PRDM16: variants seen among roughly 807,000 people sequenced by gnomAD.
The protein encoded by PRDM16 is histone-lysine N-methyltransferase PRDM16.
PRDM16 carries 23 observed loss-of-function variants against 110.6 expected under a neutral mutation model. The observed-to-expected ratio is 0.21, with a 90% CI of 0.15 to 0.29. The LOEUF (loss-of-function observed/expected upper bound fraction) is 0.29, where lower values mean the gene tolerates loss of function less well. PRDM16 is among the 10% of genes least tolerant of loss of function. The pLI is 1.00. For missense variants in PRDM16, 1,615 were observed against 1,794.3 expected, an observed-to-expected ratio of 0.90 and a Z score of 1.81; for synonymous variants, 799 against 781.8, an observed-to-expected ratio of 1.02 and a Z score of -0.37.
intron 3 of PRDM16, among the ~76,000 whole-genome samples, chr1:3,296,284 G>A (rs1042586538): frequency 6.6e-6 from 1 of 152,238 alleles, no homozygotes; most frequent in Non-Finnish European, 1.5e-5. Flanking sequence ...GGGACCCAGA[G>A]TCACATTCGC....
rs532444390 is a variant in PRDM16, at chr1:3,350,304, C to T, written c.439-34848C>T. On this transcript the variant is annotated intron_variant, in intron 3 of 16. Coordinates refer to ENST00000270722, the MANE Select transcript of PRDM16 (RefSeq NM_022114.4). The surrounding 1 kb of genome is among the most constrained non-coding windows in gnomAD (Gnocchi z 7.1). ...TCACACCACTATACTCCAGCCTGGG[C>T]GAGAGAGTGAGACCCTGTCTCAAAA... Among the ~76,000 whole-genome samples, 145 of 152,098 alleles carry T rather than the reference C, an allele frequency of 9.5e-4. No individual in the cohort carries two copies. Among genetic ancestry groups the T allele is most frequent in the Non-Finnish European group, 1.5e-3 (101 of 68,004 alleles).
intron 3 of PRDM16, among the ~76,000 whole-genome samples, chr1:3,325,897 G>A (rs1641879530): frequency 6.8e-6 from 1 of 146,418 alleles, no homozygotes; most frequent in Non-Finnish European, 1.5e-5. Context: ...GGCCATCCTT[G>A]GCCCTCTTGG....
At position 3,310,990 on chromosome 1, in the gene PRDM16, C is replaced by T. The variant is rs578151414; in HGVS notation, c.438+66853C>T. On this transcript the variant is annotated intron_variant, in intron 3 of 16. Coordinates refer to ENST00000270722, the MANE Select transcript of PRDM16 (RefSeq NM_022114.4). ...GTGTAGGCATGTGTGTGCGTGTGTG[C>T]GTGCGTATGTGTGTGTGTGTGTGAG... Among the ~76,000 whole-genome samples the T allele has an allele frequency of 4.6e-5, 7 of 151,732 alleles. No homozygotes were observed. In the South Asian group the frequency reaches 1.5e-3, roughly 32 times the overall value.
chr1:3,195,454 G>T, intron 2 of PRDM16, among the ~76,000 whole-genome samples: 1 of 152,224 alleles, frequency 6.6e-6, no homozygotes, highest in East Asian at 1.9e-4. Context: ...GCCCAGCAGA[G>T]GGGACTTTCT....
chr1:3,146,837 A>ACG (rs1643672399), intron 1 of PRDM16, among the ~76,000 whole-genome samples: 1 of 76,112 alleles, frequency 1.3e-5, no homozygotes, highest in Admixed American at 1.8e-4. Flanking sequence ...GTGTGTGTGC[A>ACG]CACGTGTGTG....
At chr1:3,216,710 C>T (rs947036737) in intron 2 of PRDM16, among the ~76,000 whole-genome samples, 16 of 152,358 alleles carry the variant, frequency 1.1e-4, no homozygotes, top group Middle Eastern at 3.4e-3. Context: ...GTTGGCCTCA[C>T]GAAATCAGAG....
At chr1:3,070,734 G>T (rs545007768) in intron 1 of PRDM16, among the ~76,000 whole-genome samples, 1 of 152,032 alleles carries the variant, frequency 6.6e-6, no homozygotes, top group Non-Finnish European at 1.5e-5. Flanking sequence ...CCCTCGGCTC[G>T]GGGCCCGCCC....
chr1:3,436,989 C>T lies in PRDM16; in HGVS notation c.*3178C>T, dbSNP rs190393587. 6.6e-3 allele frequency: 1,537 copies of T among 233,204 alleles called. 12 individuals carry two copies. Among genetic ancestry groups the T allele is most frequent in the South Asian group, 8.7e-3 (48 of 5,526 alleles). The allele number at this position is 233,204 out of a possible 1,614,324, so 14.4% of individuals were successfully genotyped here. On this transcript the variant is annotated 3_prime_UTR_variant, in exon 17 of 17. Coordinates refer to ENST00000270722, the MANE Select transcript of PRDM16 (RefSeq NM_022114.4). ...CAGACCCCAGCCCCCAGCGAGCCGACGTCCCCACCCGTTCCTGCTCTCATC... is the reference window on the plus strand; with the variant it reads ...CAGACCCCAGCCCCCAGCGAGCCGATGTCCCCACCCGTTCCTGCTCTCATC...
At chr1:3,300,425 A>G (rs1306320008) in intron 3 of PRDM16, among the ~76,000 whole-genome samples, 26 of 122,848 alleles carry the variant, frequency 2.1e-4, no homozygotes, top group Middle Eastern at 4.9e-3. Context: ...AGTCGTGGTG[A>G]CTCTGCCCTT....
chr1:3,073,051 C>G (rs949756106), intron 1 of PRDM16, among the ~76,000 whole-genome samples: 2 of 152,264 alleles, frequency 1.3e-5, no homozygotes, highest in African/African-American at 4.8e-5. Context: ...CCTCCTTGTC[C>G]TGTGAGCGGC....
chr1:3,307,391 A>G (rs4145901), intron 3 of PRDM16: 124,378 of 152,262 alleles, frequency 0.82, 51,470 homozygotes, highest in East Asian at 0.99. Context: ...GTTTGTGATG[A>G]ATGCTTGATC....
chr1:3,103,665 G>T (rs1347694554), intron 1 of PRDM16, among the ~76,000 whole-genome samples: 1 of 152,188 alleles, frequency 6.6e-6, no homozygotes, highest in Non-Finnish European at 1.5e-5. Context: ...AGGAGGGGAC[G>T]AGAGTTCTGT....
At chr1:3,287,842 G>GC (rs1356796464) in intron 3 of PRDM16, among the ~76,000 whole-genome samples, 1 of 150,032 alleles carries the variant, frequency 6.7e-6, no homozygotes, top group African/African-American at 2.5e-5. Context: ...GACTGCAGCC[G>GC]CCCCGCCACG....
intron 6 of PRDM16, among the ~76,000 whole-genome samples, chr1:3,404,277 C>T (rs955259773): frequency 1.3e-5 from 2 of 152,212 alleles, no homozygotes; most frequent in Non-Finnish European, 2.9e-5. Context: ...CCTGGAGACC[C>T]CCGAGTGACT....
chr1:3,092,650 G>T (rs1642304188), intron 1 of PRDM16, among the ~76,000 whole-genome samples: 1 of 152,208 alleles, frequency 6.6e-6, no homozygotes, highest in African/African-American at 2.4e-5. Flanking sequence ...GGAGGGGTCT[G>T]CACAACTTCG....
At chr1:3,102,253 G>A (rs1642551439) in intron 1 of PRDM16, among the ~76,000 whole-genome samples, 1 of 152,182 alleles carries the variant, frequency 6.6e-6, no homozygotes, top group South Asian at 2.1e-4. Flanking sequence ...GGGCTGGGAG[G>A]GGACTCAGGG....
At chr1:3,416,060 C>T (rs1638248027) in intron 10 of PRDM16, among the ~76,000 whole-genome samples, 1 of 152,196 alleles carries the variant, frequency 6.6e-6, no homozygotes, top group Non-Finnish European at 1.5e-5. Context: ...GCGGGAGAAG[C>T]CTGACCCCCA....
At chr1:3,114,290 G>C (rs1246178750) in intron 1 of PRDM16, among the ~76,000 whole-genome samples, 2 of 119,962 alleles carry the variant, frequency 1.7e-5, no homozygotes, top group African/African-American at 6.6e-5. Flanking sequence ...ACACGCAGTG[G>C]AAACGCACAC....
Position 3,372,389 on chromosome 1 carries a change from G to C in PRDM16, c.439-12763G>C, listed in dbSNP as rs188018383. Among the ~76,000 whole-genome samples, 28 of 152,332 alleles carry C rather than the reference G, an allele frequency of 1.8e-4. No individual in the cohort carries two copies. The East Asian group carries it at 5.2e-3, about 28-fold the overall frequency. Reference sequence around the variant, plus strand: ...GAAGAATTCCTCCCGCATCTGCTGTGGGGTGCCACGTTTACAAGCTCTGCA... The same window carrying C: ...GAAGAATTCCTCCCGCATCTGCTGTCGGGTGCCACGTTTACAAGCTCTGCA... On this transcript the variant is annotated intron_variant, in intron 3 of 16. Coordinates refer to ENST00000270722, the MANE Select transcript of PRDM16 (RefSeq NM_022114.4).
Sources: gnomAD v4.1 joint callset for allele counts (sites outside exome capture counted in the v4.1 genomes callset) on GRCh38, gnomAD v4.1.1 for gene constraint, Gnocchi (gnomAD v3.1) non-coding constraint, MANE v1.5 for transcripts, NCBI Gene and HGNC (gene_info 2026-07-23, HGNC 2026-07-21) for gene names.